Variants in DAB1 observed in about 807,000 individuals in gnomAD.
The protein encoded by DAB1 is DAB adaptor protein 1.
In DAB1, 15 loss-of-function variants were observed where a neutral mutation model predicts 64.6. The observed-to-expected ratio is 0.23, with a 90% CI of 0.16 to 0.36. DAB1 has a LOEUF of 0.36. Ranked by LOEUF, DAB1 falls within the 10% of genes least tolerant of loss-of-function variation. DAB1 has a pLI of 1.00. For missense variants in DAB1, 596 were observed against 706.7 expected (o/e 0.84, Z 1.78); for synonymous variants, 235 against 251.9 (o/e 0.93, Z 0.64).
At chr1:58,251,176 T>C (rs2100405243) in intron 4 of DAB1, among the ~76,000 whole-genome samples, 1 of 152,362 alleles carries the variant, frequency 6.6e-6, no homozygotes, top group East Asian at 1.9e-4. Context: ...TGAGTTTTTC[T>C]TCCTTCATCT....
At chr1:57,101,598 G>C (rs1378508974) in intron 4 of DAB1, among the ~76,000 whole-genome samples, 1 of 152,228 alleles carries the variant, frequency 6.6e-6, no homozygotes, top group African/African-American at 2.4e-5. Context: ...GAAAGCTATA[G>C]ATTCAGATAA....
intron 2 of DAB1, among the ~76,000 whole-genome samples, chr1:57,266,147 G>A (rs1382727418): frequency 6.6e-6 from 1 of 152,142 alleles, no homozygotes; most frequent in Non-Finnish European, 1.5e-5. Flanking sequence ...ACCTACACAA[G>A]GCTATCAGAA....
intron 3 of DAB1, among the ~76,000 whole-genome samples, chr1:58,503,385 G>A (rs1375171472): frequency 6.6e-6 from 1 of 151,874 alleles, no homozygotes; most frequent in Non-Finnish European, 1.5e-5. Flanking sequence ...CTTTTAAGAG[G>A]AATAATTACT....
chr1:58,228,066 T>G (rs1293365282), intron 4 of DAB1, among the ~76,000 whole-genome samples: 2 of 152,140 alleles, frequency 1.3e-5, no homozygotes, highest in Non-Finnish European at 2.9e-5. Flanking sequence ...TGGTCCATTA[T>G]CTGGGAGTCA....
chr1:56,997,692 A>T lies in DAB1; in HGVS notation c.*452T>A, dbSNP rs2101601518. 1 of 152,332 alleles carries T rather than the reference A, an allele frequency of 6.6e-6. No individual in the cohort carries two copies. The highest frequency in any genetic ancestry group is 2.4e-5 in the African/African-American group (1 of 41,566). 9.4% of individuals were successfully genotyped at this position (152,332 alleles called of 1,614,324 possible). A position where few individuals can be genotyped will look rare whatever the true frequency, so the allele number is the denominator to read the frequency against. On this transcript the variant is annotated 3_prime_UTR_variant, in exon 15 of 15. Transcript: ENST00000371236. ...CAGAAGACCCTTTGCTTTTGCTTAA[A>T]GAAGTCAGTTCCAACCCTGTTGTAA...
At chr1:57,117,604 C>T (rs1156698831) in intron 4 of DAB1, among the ~76,000 whole-genome samples, 1 of 152,140 alleles carries the variant, frequency 6.6e-6, no homozygotes, top group African/African-American at 2.4e-5. Context: ...TTCAAGCCCT[C>T]GGTGCAGTGC....
upstream of DAB1, among the ~76,000 whole-genome samples, chr1:57,424,663 C>G (rs1203889831): frequency 6.6e-6 from 1 of 152,202 alleles, no homozygotes; most frequent in African/African-American, 2.4e-5. Flanking sequence ...CGAGGGGAGT[C>G]TCCGCGAGGG....
At chr1:58,334,358 C>G (rs920043531) in intron 4 of DAB1, among the ~76,000 whole-genome samples, 1 of 151,978 alleles carries the variant, frequency 6.6e-6, no homozygotes, top group African/African-American at 2.4e-5. Flanking sequence ...GTAACATAAG[C>G]AAGAAATAAA....
chr1:57,606,278 CG>C (rs1382176524), intron 7 of DAB1: 31 of 162,248 alleles, frequency 1.9e-4, no homozygotes, highest in African/African-American at 7.5e-4. Context: ...GAGCAGGAGT[CG>C]GCGGATGATA....
At chr1:57,432,117 GA>G (rs113942764) in intron 7 of DAB1, among the ~76,000 whole-genome samples, 294 of 116,884 alleles carry the variant, frequency 2.5e-3, no homozygotes, top group Middle Eastern at 8.8e-3. Context: ...GCAAGACTCT[GA>G]AAAAAAAAAA....
chr1:58,358,055 T>G (rs1337601889), intron 3 of DAB1, among the ~76,000 whole-genome samples: 1 of 152,234 alleles, frequency 6.6e-6, no homozygotes, highest in African/African-American at 2.4e-5. Flanking sequence ...ACCTTTCTGC[T>G]GAACTGAAAG....
intron 3 of DAB1, among the ~76,000 whole-genome samples, chr1:58,455,204 T>C (rs1645181859): frequency 6.6e-6 from 1 of 152,196 alleles, no homozygotes; most frequent in Non-Finnish European, 1.5e-5. Flanking sequence ...GGCTGATGCA[T>C]TTAAAATCCA....
chr1:57,505,018 G>A (rs114312583), intron 7 of DAB1, among the ~76,000 whole-genome samples: 57 of 152,206 alleles, frequency 3.7e-4, no homozygotes, highest in African/African-American at 1.3e-3. Context: ...CTCTGGACAG[G>A]ATCCTGAGAC....
intron 3 of DAB1, among the ~76,000 whole-genome samples, chr1:58,419,920 C>A (rs1376907794): frequency 6.6e-6 from 1 of 152,196 alleles, no homozygotes; most frequent in Non-Finnish European, 1.5e-5. Flanking sequence ...GACACCTCCT[C>A]CTATTGGCCC....
intron 6 of DAB1, among the ~76,000 whole-genome samples, chr1:57,670,533 C>T (rs902940066): frequency 6.6e-6 from 1 of 152,090 alleles, no homozygotes; most frequent in Admixed American, 6.6e-5. Flanking sequence ...AAACTGCAAT[C>T]TTTGTGACTT....
intron 3 of DAB1, among the ~76,000 whole-genome samples, chr1:58,483,847 T>C (rs1024537508): frequency 6.6e-6 from 1 of 152,192 alleles, no homozygotes; most frequent in African/African-American, 2.4e-5. Context: ...ACAATGATGT[T>C]AATTTTCTTT....
At chr1:57,920,976 T>G (rs1047883788) in intron 5 of DAB1, among the ~76,000 whole-genome samples, 36 of 152,304 alleles carry the variant, frequency 2.4e-4, no homozygotes, top group Non-Finnish European at 4.6e-4. Flanking sequence ...CACGTGTGTA[T>G]AATACATATG....
intron 3 of DAB1, among the ~76,000 whole-genome samples, chr1:58,464,384 T>C (rs1645274339): frequency 6.6e-6 from 1 of 152,158 alleles, no homozygotes; most frequent in African/African-American, 2.4e-5. Flanking sequence ...ATGATATGTT[T>C]GGGAGAGGAT....
At chr1:57,179,020 T>C (rs1662633588) in intron 2 of DAB1, among the ~76,000 whole-genome samples, 1 of 152,194 alleles carries the variant, frequency 6.6e-6, no homozygotes, top group Admixed American at 6.5e-5. Context: ...AATGTATTTA[T>C]TTGGGAAGGA....
Sources: allele counts gnomAD v4.1 joint callset (sites outside exome capture counted in the v4.1 genomes callset), GRCh38; gene constraint gnomAD v4.1.1; transcripts MANE v1.5; gene names NCBI Gene and HGNC (gene_info 2026-07-23, HGNC 2026-07-21).